GUCY2D: variants seen among roughly 807,000 people sequenced by gnomAD.
The protein encoded by GUCY2D is guanylate cyclase 2D, retinal, also known as retinal guanylyl cyclase 1.
In GUCY2D, 70 loss-of-function variants were observed where a neutral mutation model predicts 101.3. The ratio of observed to expected loss-of-function variants is 0.69; its 90% confidence interval spans 0.57 to 0.84. The LOEUF is 0.84. Among genes scored for constraint, GUCY2D ranks in the 40% least tolerant of loss-of-function variants. The pLI is 0.00. For missense variants in GUCY2D, 1,460 were observed against 1,542.5 expected (o/e 0.95, Z 0.90); for synonymous variants, 688 against 670.7 (o/e 1.03, Z -0.40).
At chr17:8,012,664 C>T in intron 10 of GUCY2D, 58 bp downstream of exon 10, 1 of 1,378,126 alleles carries the variant, frequency 7.3e-7, no homozygotes, top group East Asian at 2.3e-5. Flanking sequence ...TCAAGGGCTT[C>T]TCCCCCGCTT....
At position 8,016,613 on chromosome 17, in the gene GUCY2D, T is replaced by C. The variant is rs12103519; in HGVS notation, c.*24+59T>C. On this transcript the variant is annotated intron_variant, in intron 19 of 19. Transcript: ENST00000254854. ...CGTCCCCTCTGCTGCCTGCAGAACGTCCCACCCAAGCCAGGTGTCCCGATC... is the reference window on the plus strand; with the variant it reads ...CGTCCCCTCTGCTGCCTGCAGAACGCCCCACCCAAGCCAGGTGTCCCGATC... 106,914 of 862,362 alleles carry C rather than the reference T, an allele frequency of 0.12. 8,154 individuals are homozygous for C. Among genetic ancestry groups the C allele is most frequent in the African/African-American group, 0.27 (16,027 of 59,820 alleles). The allele number at this position is 862,362 out of a possible 1,614,324, so 53.4% of individuals were successfully genotyped here.
rs1170564589 is a variant in GUCY2D, at chr17:8,011,662, G to GA, written c.1750-474dup. On this transcript the variant is annotated intron_variant, in intron 8 of 19. Transcript: ENST00000254854. This position sits in a 1 kb window ranked among gnomAD's most constrained non-coding sequence, Gnocchi z 4.3. ...ACATAGCAAGGCTCCCATCTCTACA[G>GA]AAAAAAAATTTTAAATGTTATCTAG... Among the ~76,000 whole-genome samples the GA allele has an allele frequency of 2.6e-5, 4 of 152,074 alleles. No individual in the cohort carries two copies. Among genetic ancestry groups the GA allele is most frequent in the East Asian group, 1.9e-4 (1 of 5,162 alleles).
chr17:8,015,208 C>A, intron 14 of GUCY2D, 120 bp from the exon 15 acceptor site: 1 of 1,104,864 alleles, frequency 9.1e-7, no homozygotes, highest in East Asian at 2.5e-5. Context: ...CAGCTCAGTC[C>A]TTCCACTAGC....
chr17:8,003,985 G>T lies in GUCY2D; in HGVS notation c.855G>T (p.Leu285Phe). Residue 285 changes from leucine (L) to phenylalanine (F), a missense_variant, in exon 3 of 20, where the codon TTG (leucine) becomes TTT (phenylalanine). By Grantham distance (22) the Leu-to-Phe change is conservative. Transcript: ENST00000254854. Reference protein sequence around the residue: ...FLPFDTIHYALSPGPEALAAL... With the variant: ...FLPFDTIHYAFSPGPEALAAL... ...CCTTCGACACGATCCACTACGCCTT[G>T]TCCCCAGGCCCGGAGGCCTTGGCCG... The T allele has an allele frequency of 4.3e-6, 7 of 1,613,642 alleles. No individual in the cohort carries two copies. The highest frequency in any genetic ancestry group is 5.9e-6 in the Non-Finnish European group (7 of 1,179,932).
chr17:8,003,335 C>T lies in GUCY2D; in HGVS notation c.288C>T (p.Phe96=). ...CCGGCCTGGCAGGCGGTCCCCGCTT[C>T]GAGGTAGCGCTGCTGCCCGAGCCTT... ...RDPGLAGGPR[F]EVALLPEPCR... The change falls in exon 2 of 20, where the codon TTC becomes TTT. Residue 96 remains phenylalanine, a synonymous_variant. Coordinates refer to ENST00000254854, the MANE Select transcript of GUCY2D (RefSeq NM_000180.4). 6.8e-7 allele frequency: 1 copy of T among 1,479,062 alleles called. No individual in the cohort carries two copies. The highest frequency in any genetic ancestry group is 8.9e-7 in the Non-Finnish European group (1 of 1,121,792). The allele number at this position is 1,479,062 out of a possible 1,614,324, so 91.6% of individuals were successfully genotyped here. A position where few individuals can be genotyped will look rare whatever the true frequency, so the allele number is the denominator to read the frequency against.
chr17:8,006,502 G>T lies in GUCY2D; in HGVS notation c.1166G>T (p.Gly389Val). Reference sequence around the variant, plus strand: ...CACATCCGGGATGCGCAGGTCCCTGGCTTCTGCGGGGACCTAGGAGGAGAC... The same window carrying T: ...CACATCCGGGATGCGCAGGTCCCTGTCTTCTGCGGGGACCTAGGAGGAGAC... ...ARHIRDAQVP[G>V]FCGDLGGDEE... The change falls in exon 4 of 20, where the codon GGC becomes GTC. Residue 389 changes from glycine to valine, a missense_variant. Physicochemically the swap from Gly to Val is moderately radical, Grantham distance 109 (BLOSUM62 -3). Coordinates refer to ENST00000254854, the MANE Select transcript of GUCY2D (RefSeq NM_000180.4). The T allele has an allele frequency of 6.2e-7, 1 of 1,609,194 alleles. No individual in the cohort carries two copies. Among genetic ancestry groups the T allele is most frequent in the Middle Eastern group, 1.7e-4 (1 of 6,056 alleles).
At position 8,011,649 on chromosome 17, in the gene GUCY2D, T is replaced by G. The variant is rs1975852921; in HGVS notation, c.1750-495T>G. ...ACCAGCCTGGGCAACATAGCAAGGC[T>G]CCCATCTCTACAGAAAAAAAATTTT... On this transcript the variant is annotated intron_variant, in intron 8 of 19. Coordinates refer to ENST00000254854, the MANE Select transcript of GUCY2D (RefSeq NM_000180.4). This position sits in a 1 kb window ranked among gnomAD's most constrained non-coding sequence, Gnocchi z 4.3. Among the ~76,000 whole-genome samples the G allele has an allele frequency of 6.6e-6, 1 of 151,886 alleles. No individual in the cohort carries two copies. Among genetic ancestry groups the G allele is most frequent in the Non-Finnish European group, 1.5e-5 (1 of 67,976 alleles).
At position 8,013,632 on chromosome 17, in the gene GUCY2D, A is replaced by G; in HGVS notation, c.2264-248A>G. 1.7e-6 allele frequency: 1 copy of G among 589,638 alleles called. No individual in the cohort carries two copies. The highest frequency in any genetic ancestry group is 3.0e-6 in the Non-Finnish European group (1 of 330,518). 36.5% of individuals were successfully genotyped at this position (589,638 alleles called of 1,614,324 possible). On this transcript the variant is annotated intron_variant, in intron 11 of 19. Transcript: ENST00000254854. The surrounding 1 kb of genome is among the most constrained non-coding windows in gnomAD (Gnocchi z 5.0). ...CACCTATCCCTCACTTGTCTTACAT[A>G]CAATATGTTAGTTTCTTTGCCTATG...
Position 8,003,889 on chromosome 17 carries a change from C to A in GUCY2D, c.759C>A (p.Gly253=), listed in dbSNP as rs1445655311. Residue 253 remains glycine (G), a synonymous_variant, in exon 3 of 20, where the codon GGC becomes GGA. Coordinates refer to ENST00000254854, the MANE Select transcript of GUCY2D (RefSeq NM_000180.4). The part of the protein sequence containing the change: ...IMVMHSVLLG[G]EEQRYLLEAA... ...TGATGCACTCGGTGCTGCTGGGTGGCGAGGAGCAGCGCTACCTCCTGGAGG... is the reference window on the plus strand; with the variant it reads ...TGATGCACTCGGTGCTGCTGGGTGGAGAGGAGCAGCGCTACCTCCTGGAGG... 1.2e-6 allele frequency: 2 copies of A among 1,612,980 alleles called. No individual in the cohort carries two copies. Among genetic ancestry groups the A allele is most frequent in the Non-Finnish European group, 1.7e-6 (2 of 1,179,790 alleles).
intron 7 of GUCY2D, among the ~76,000 whole-genome samples, chr17:8,008,771 T>C (rs1455831607): frequency 6.6e-6 from 1 of 152,230 alleles, no homozygotes; most frequent in Non-Finnish European, 1.5e-5. Flanking sequence ...TCTGGCCCTG[T>C]CCACTAATGC....
At chr17:8,018,822 C>T (rs189065870) in intron 19 of GUCY2D, among the ~76,000 whole-genome samples, 350 of 151,408 alleles carry the variant, frequency 2.3e-3, no homozygotes, top group African/African-American at 7.5e-3. Flanking sequence ...GGCTCCTGGA[C>T]GGGACTTTGC....
intron 3 of GUCY2D, among the ~76,000 whole-genome samples, chr17:8,005,747 G>A (rs1287468346): frequency 6.6e-6 from 1 of 152,186 alleles, no homozygotes. Flanking sequence ...TCCTTGAGAC[G>A]GGGTCTGTCT....
chr17:8,015,708 C>T, intron 15 of GUCY2D, 35 bp from the exon 16 acceptor site: 2 of 1,497,138 alleles, frequency 1.3e-6, no homozygotes, highest in Middle Eastern at 1.9e-4. Flanking sequence ...CAGGGCCGGC[C>T]CTGCTAGCCC....
chr17:8,003,762 G>A lies in GUCY2D; in HGVS notation c.715G>A (p.Val239Ile). Residue 239 changes from valine (V) to isoleucine (I), a missense_variant, in exon 2 of 20, where the codon GTC (valine) becomes ATC (isoleucine). By Grantham distance (29) the Val-to-Ile change is conservative (BLOSUM62 3). Coordinates refer to ENST00000254854, the MANE Select transcript of GUCY2D (RefSeq NM_000180.4). ...GAGGAAGGTTCGGGACGGGCCCAGG[G>A]TCACAGGTAGGCTCCCTTGCAGGGT... ...ALRKVRDGPR[V>I]TAVIMVMHSV... The A allele has an allele frequency of 1.3e-6, 2 of 1,599,702 alleles. No individual in the cohort carries two copies. Among genetic ancestry groups the A allele is most frequent in the Non-Finnish European group, 1.7e-6 (2 of 1,179,678 alleles).
In GUCY2D at chr17:8,013,639, G is replaced by A. The variant is rs1206786000; in HGVS notation, c.2264-241G>A. On this transcript the variant is annotated intron_variant, in intron 11 of 19. Coordinates refer to ENST00000254854, the MANE Select transcript of GUCY2D (RefSeq NM_000180.4). This position sits in a 1 kb window ranked among gnomAD's most constrained non-coding sequence, Gnocchi z 5.0. ...CCCTCACTTGTCTTACATACAATATGTTAGTTTCTTTGCCTATGTCACCTC... is the reference window on the plus strand; with the variant it reads ...CCCTCACTTGTCTTACATACAATATATTAGTTTCTTTGCCTATGTCACCTC... The A allele has an allele frequency of 5.1e-6, 3 of 593,458 alleles. No homozygotes were observed. The Admixed American group carries it at 8.9e-5, about 18-fold the overall frequency. The allele number at this position is 593,458 out of a possible 1,614,324, so 36.8% of individuals were successfully genotyped here.
Position 8,014,518 on chromosome 17 carries a change from A to T in GUCY2D, c.2413-83A>T, listed in dbSNP as rs1975921594. The T allele has an allele frequency of 2.3e-6, 3 of 1,302,240 alleles. No individual in the cohort carries two copies. The highest frequency in any genetic ancestry group is 3.4e-5 in the Admixed American group (2 of 59,574). 80.7% of individuals were successfully genotyped at this position (1,302,240 alleles called of 1,614,324 possible). The stretch of plus-strand genomic sequence containing the variant: ...GTTGGGGTTCAGAGTGAACAGCCCC[A>T]TGAGAGGGCCCATGAGGGGGGCATA... On this transcript the variant is annotated intron_variant, in intron 12 of 19. Transcript: ENST00000254854. The surrounding 1 kb of genome is among the most constrained non-coding windows in gnomAD (Gnocchi z 4.0).
In GUCY2D at chr17:8,003,150, C is replaced by T. The variant is rs1423033093; in HGVS notation, c.103C>T (p.Arg35Trp). The T allele has an allele frequency of 5.3e-5, 80 of 1,509,136 alleles. No homozygotes were observed. Among genetic ancestry groups the T allele is most frequent in the Middle Eastern group, 2.1e-4 (1 of 4,752 alleles). 93.5% of individuals were successfully genotyped at this position (1,509,136 alleles called of 1,614,324 possible). ...GCCCCGCCTCCCCCGGGCCCTGCCCCGGCTCCCGCTCCTGCTGCTCCTGCT... is the reference window on the plus strand; with the variant it reads ...GCCCCGCCTCCCCCGGGCCCTGCCCTGGCTCCCGCTCCTGCTGCTCCTGCT... ...SLPRLPRALP[R>W]LPLLLLLLLL... Residue 35 changes from arginine (R) to tryptophan (W), a missense_variant, in exon 2 of 20, where the codon CGG becomes TGG. Arg to Trp is a moderately radical substitution (Grantham distance 101). Transcript: ENST00000254854.
chr17:8,015,873 G>A, intron 16 of GUCY2D, 32 bp downstream of exon 16: 2 of 1,602,768 alleles, frequency 1.2e-6, no homozygotes. Flanking sequence ...CGGGGAGGTG[G>A]GAGGGGGACA....
chr17:8,012,109 G>A (rs1318449080), intron 8 of GUCY2D, 35 bp from the exon 9 acceptor site: 11 of 1,490,982 alleles, frequency 7.4e-6, no homozygotes, highest in Non-Finnish European at 1.0e-5. Context: ...ACATTGCCCT[G>A]GGCAGAAAAT....
Sources: allele counts gnomAD v4.1 joint callset (sites outside exome capture counted in the v4.1 genomes callset), GRCh38; gene constraint gnomAD v4.1.1; non-coding constraint Gnocchi (gnomAD v3.1); transcripts MANE v1.5; gene names NCBI Gene and HGNC (gene_info 2026-07-23, HGNC 2026-07-21).